GSN: variants seen among roughly 807,000 people sequenced by gnomAD.
GSN encodes the protein actin-depolymerizing factor.
In GSN, 56 loss-of-function variants were observed where a neutral mutation model predicts 85.7. That is an observed-to-expected ratio of 0.65 (90% CI 0.53 to 0.82). GSN has a LOEUF of 0.82. Ranked by LOEUF, GSN falls within the 40% of genes least tolerant of loss-of-function variation. The probability of loss-of-function intolerance (pLI) is 0.00; values close to 1 mark genes in which losing one functional copy is unlikely to be tolerated. For missense variants in GSN, 857 were observed against 979.8 expected (o/e 0.87, Z 1.67); for synonymous variants, 373 against 399.1 (o/e 0.93, Z 0.78).
At chr9:121,254,733 GTTA>G (rs964574956) in intron 6 of GSN, among the ~76,000 whole-genome samples, 4 of 151,996 alleles carry the variant, frequency 2.6e-5, no homozygotes, top group Non-Finnish European at 2.9e-5. Flanking sequence ...TATTTCTAAT[GTTA>G]TTATTATTAT....
At chr9:121,310,302 G>GT (rs981487389) in intron 4 of GSN, 32 of 335,792 alleles carry the variant, frequency 9.5e-5, no homozygotes, top group Non-Finnish European at 1.6e-4. Context: ...GGGGACTAGT[G>GT]TGCCTTTGGG....
intron 4 of GSN, chr9:121,309,764 A>G (rs1326465174): frequency 1.3e-5 from 2 of 152,232 alleles, no homozygotes; most frequent in African/African-American, 2.4e-5. Flanking sequence ...AGACCAGCTT[A>G]AACAGCATAG....
intron 2 of GSN, chr9:121,282,001 AGAG>A (rs2057437130): frequency 2.1e-6 from 1 of 473,500 alleles, no homozygotes. Context: ...CTTGTTGACC[AGAG>A]GAGGAGCACC....
intron 12 of GSN, among the ~76,000 whole-genome samples, chr9:121,325,815 A>G (rs1013800749): frequency 1.3e-5 from 2 of 152,046 alleles, no homozygotes; most frequent in African/African-American, 4.8e-5. Context: ...TGCATTTTTC[A>G]GAGGAGGAAC....
chr9:121,212,328 C>A (rs1210468440), intron 4 of GSN, among the ~76,000 whole-genome samples: 1 of 152,114 alleles, frequency 6.6e-6, no homozygotes, highest in East Asian at 1.9e-4. Context: ...TCTCTCTGGG[C>A]CTCAGTTTCC....
upstream of GSN, among the ~76,000 whole-genome samples, chr9:121,264,321 G>A (rs1479263817): frequency 6.6e-6 from 1 of 152,068 alleles, no homozygotes; most frequent in Non-Finnish European, 1.5e-5. Context: ...GGCCTGGTGG[G>A]ATGTACCTGT....
chr9:121,224,957 C>T (rs1384072191), intron 4 of GSN, among the ~76,000 whole-genome samples: 1 of 151,962 alleles, frequency 6.6e-6, no homozygotes, highest in African/African-American at 2.4e-5. Flanking sequence ...TAGCTGGGAC[C>T]ACAGACGCAT....
At chr9:121,290,459 T>C (rs1435098941) in intron 2 of GSN, among the ~76,000 whole-genome samples, 2 of 152,230 alleles carry the variant, frequency 1.3e-5, no homozygotes, top group African/African-American at 4.8e-5. Flanking sequence ...AATAAAAATA[T>C]CTTTGAATCT....
At chr9:121,296,083 TG>T (rs758857121) in intron 2 of GSN, among the ~76,000 whole-genome samples, 1 of 152,296 alleles carries the variant, frequency 6.6e-6, no homozygotes, top group East Asian at 1.9e-4. Context: ...GGAAGTGTCG[TG>T]GGGACAGCTG....
chr9:121,239,597 T>C (rs534284069), intron 5 of GSN: 52 of 273,638 alleles, frequency 1.9e-4, no homozygotes, highest in African/African-American at 1.1e-3. Flanking sequence ...TCATACCAAC[T>C]ATGGCTGAAA....
chr9:121,229,337 C>A (rs1332629376), intron 4 of GSN, among the ~76,000 whole-genome samples: 1 of 152,222 alleles, frequency 6.6e-6, no homozygotes, highest in East Asian at 1.9e-4. Flanking sequence ...TCTCCTGCCT[C>A]AGCCTCCTGA....
chr9:121,238,570 A>G (rs1432941241), intron 5 of GSN: 1 of 200,020 alleles, frequency 5.0e-6, no homozygotes. Context: ...TTGTGGGACT[A>G]TACTTTGTGA....
intron 1 of GSN, among the ~76,000 whole-genome samples, chr9:121,273,790 A>C (rs1383102758): frequency 3.3e-5 from 5 of 152,192 alleles, no homozygotes; most frequent in African/African-American, 1.2e-4. Context: ...TGTTTATTCT[A>C]ATTTAAATCT....
intron 4 of GSN, among the ~76,000 whole-genome samples, chr9:121,214,386 G>T (rs151190401): frequency 8.7e-4 from 132 of 151,740 alleles, no homozygotes; most frequent in African/African-American, 2.9e-3. Context: ...TAAAATCTAG[G>T]TTCCATAATC....
rs1475224120 is a variant in GSN, at chr9:121,324,616, A to G, written c.1388A>G (p.Asp463Gly). The change falls in exon 12 of 18, where the codon GAT (aspartate) becomes GGT (glycine). Residue 463 changes from aspartate (D) to glycine (G), a missense_variant. By Grantham distance (94) the Asp-to-Gly change is moderately conservative. Transcript: ENST00000432226. The stretch of plus-strand genomic sequence containing the variant: ...TCTGCCATCCTGACTGCTCAGCTGG[A>G]TGAGGAGCTGGGAGGTACCCCTGTC... ...AASAILTAQLDEELGGTPVQS... is the reference protein window; with the variant it reads ...AASAILTAQLGEELGGTPVQS... 2 of 1,544,022 alleles carry G rather than the reference A, an allele frequency of 1.3e-6. No homozygotes were observed. The highest frequency in any genetic ancestry group is 3.9e-5 in the Admixed American group (2 of 51,050).
chr9:121,307,411 T>C (rs2060529732), intron 4 of GSN, among the ~76,000 whole-genome samples: 1 of 152,154 alleles, frequency 6.6e-6, no homozygotes, highest in African/African-American at 2.4e-5. Flanking sequence ...TAGCACCTTT[T>C]GGAAAAGGTT....
At chr9:121,277,496 G>A (rs1173442722) in intron 1 of GSN, among the ~76,000 whole-genome samples, 1 of 152,054 alleles carries the variant, frequency 6.6e-6, no homozygotes, top group East Asian at 1.9e-4. Context: ...TATGAGATAA[G>A]GGACTTAAGA....
intron 4 of GSN, among the ~76,000 whole-genome samples, chr9:121,223,800 C>T (rs1310886953): frequency 6.6e-6 from 1 of 152,044 alleles, no homozygotes; most frequent in Admixed American, 6.5e-5. Flanking sequence ...GCTGGGATTA[C>T]AGGCGTGTGC....
At chr9:121,316,852 T>G (rs1478901211) in intron 7 of GSN, among the ~76,000 whole-genome samples, 1 of 152,186 alleles carries the variant, frequency 6.6e-6, no homozygotes, top group African/African-American at 2.4e-5. Flanking sequence ...TTCCCCAAAT[T>G]TTATCCCGCC....
Sources: allele counts gnomAD v4.1 joint callset (sites outside exome capture counted in the v4.1 genomes callset), GRCh38; gene constraint gnomAD v4.1.1; transcripts MANE v1.5; gene names NCBI Gene and HGNC (gene_info 2026-07-23, HGNC 2026-07-21).